LNX1: variants seen among roughly 807,000 people sequenced by gnomAD.
LNX1 encodes E3 ubiquitin-protein ligase LNX.
A neutral mutation model predicts 68.4 loss-of-function variants in LNX1; 54 were observed. The ratio of observed to expected loss-of-function variants is 0.79; its 90% CI spans 0.63 to 0.99. The LOEUF (loss-of-function observed/expected upper bound fraction) is 0.99, where lower values mean the gene tolerates loss of function less well. Ranked by LOEUF, LNX1 falls within the 50% of genes least tolerant of loss-of-function variation. The pLI is 0.00. For synonymous variants in LNX1, 336 were observed against 350.0 expected, an observed-to-expected ratio of 0.96 and a Z score of 0.45; for missense variants, 906 against 926.4, an observed-to-expected ratio of 0.98 and a Z score of 0.29.
intron 9 of LNX1, among the ~76,000 whole-genome samples, chr4:53,465,729 T>G (rs1722629518): frequency 6.6e-6 from 1 of 152,100 alleles, no homozygotes; most frequent in Admixed American, 6.5e-5. Flanking sequence ...GCCTGTGTAT[T>G]CAAGTTAAAA....
At chr4:53,516,263 C>T (rs191311917) in intron 2 of LNX1, among the ~76,000 whole-genome samples, 3 of 152,122 alleles carry the variant, frequency 2.0e-5, no homozygotes, top group Admixed American at 1.3e-4. Context: ...AAAAGAATCA[C>T]GCAAAATGCC....
At chr4:53,621,748 T>G (rs1032031317), upstream of LNX1, among the ~76,000 whole-genome samples, 1 of 152,208 alleles carries the variant, frequency 6.6e-6, no homozygotes, top group Admixed American at 6.5e-5. Context: ...TCTCATTATG[T>G]TTTGGCTTCT....
At chr4:53,499,193 A>T (rs1725296057) in intron 4 of LNX1, among the ~76,000 whole-genome samples, 1 of 152,096 alleles carries the variant, frequency 6.6e-6, no homozygotes, top group African/African-American at 2.4e-5. Flanking sequence ...TTTTTGAGAC[A>T]GGGTCTTACT....
At chr4:53,539,939 G>T (rs561341069) in intron 2 of LNX1, among the ~76,000 whole-genome samples, 1 of 152,332 alleles carries the variant, frequency 6.6e-6, no homozygotes, top group South Asian at 2.1e-4. Flanking sequence ...CCATGGCAAA[G>T]GTTGACTTGG....
chr4:53,495,538 C>A (rs1724986700), intron 6 of LNX1, among the ~76,000 whole-genome samples: 1 of 95,034 alleles, frequency 1.1e-5, no homozygotes, highest in African/African-American at 4.8e-5. Context: ...CTGGAGAATG[C>A]ATGGCATAGC....
rs1286929372 is a variant in LNX1, at chr4:53,496,138, A to T, written c.1235T>A (p.Leu412Gln). The T allele has an allele frequency of 1.2e-6, 2 of 1,614,046 alleles. No homozygotes were observed. The highest frequency in any genetic ancestry group is 8.5e-7 in the Non-Finnish European group (1 of 1,180,030). The change falls in exon 6 of 11, where the codon CTG becomes CAG. Residue 412 changes from leucine (L) to glutamine (Q), a missense_variant. Transcript: ENST00000263925. Reference protein sequence around the residue: ...DEPGVFIFNVLDGGVAYRHGQ... With the variant: ...DEPGVFIFNVQDGGVAYRHGQ... The stretch of plus-strand genomic sequence containing the variant: ...ATGTCGATATGCCACACCGCCATCC[A>T]GCACATTGAAGATGAAAACCCCAGG...
At chr4:53,584,570 G>T (rs1318589345) in intron 1 of LNX1, among the ~76,000 whole-genome samples, 2 of 152,180 alleles carry the variant, frequency 1.3e-5, no homozygotes, top group Non-Finnish European at 2.9e-5. Flanking sequence ...TGATAAATGC[G>T]ATCTGGACAA....
intron 1 of LNX1, among the ~76,000 whole-genome samples, chr4:53,587,967 T>G (rs1428920034): frequency 1.3e-5 from 2 of 152,224 alleles, no homozygotes; most frequent in African/African-American, 4.8e-5. Flanking sequence ...TTGGGAAATC[T>G]TTTTTTGCTC....
chr4:53,642,087 T>C (rs781223377), intron 1 of LNX1, among the ~76,000 whole-genome samples: 3 of 151,954 alleles, frequency 2.0e-5, no homozygotes, highest in Non-Finnish European at 4.4e-5. Context: ...CCAGGTTTGG[T>C]GGTACACGCC....
intron 5 of LNX1, 101 bp from the exon 6 acceptor site, chr4:53,496,495 T>G (rs965891644): frequency 4.1e-5 from 57 of 1,374,214 alleles, no homozygotes; most frequent in Non-Finnish European, 5.5e-5. Flanking sequence ...CTTTAAAGAC[T>G]GCTCTGCTCT....
Position 53,573,614 on chromosome 4 carries a change from G to A in LNX1, c.380+9C>T, listed in dbSNP as rs1251637515. The A allele has an allele frequency of 1.3e-6, 2 of 1,593,094 alleles. No individual in the cohort carries two copies. Among genetic ancestry groups the A allele is most frequent in the African/African-American group, 1.3e-5 (1 of 74,522 alleles). On this transcript the variant is annotated intron_variant, in intron 2 of 10. Transcript: ENST00000263925. ...GTGGGACTTACCGGCTCGCTGATGG[G>A]GGACCTACCTGGTTTGAAAGTGATG...
chr4:53,541,148 A>AG (rs61476881), intron 2 of LNX1, among the ~76,000 whole-genome samples: 64,694 of 140,748 alleles, frequency 0.46, 16,029 homozygotes, highest in Non-Finnish European at 0.56. Flanking sequence ...AAAAAAAAAG[A>AG]AAAAAAAAAA....
chr4:53,504,394 T>G (rs1725725589), intron 4 of LNX1, among the ~76,000 whole-genome samples: 2 of 152,254 alleles, frequency 1.3e-5, no homozygotes, highest in African/African-American at 4.8e-5. Flanking sequence ...TCTCTCAGCC[T>G]TCACAGAATC....
At chr4:53,613,029 G>C (rs1733552516) in intron 2 of LNX1, among the ~76,000 whole-genome samples, 1 of 151,078 alleles carries the variant, frequency 6.6e-6, no homozygotes, top group African/African-American at 2.4e-5. Context: ...GTGTGTATGT[G>C]CATGTGTATG....
chr4:53,541,230 G>T (rs1577684392), intron 2 of LNX1, among the ~76,000 whole-genome samples: 1 of 152,092 alleles, frequency 6.6e-6, no homozygotes, highest in South Asian at 2.1e-4. Flanking sequence ...TAGTGAGTGG[G>T]TGGAGGTAAC....
chr4:53,641,614 C>T (rs1264940336), intron 1 of LNX1, among the ~76,000 whole-genome samples: 1 of 152,184 alleles, frequency 6.6e-6, no homozygotes, highest in East Asian at 1.9e-4. Context: ...TACATATATG[C>T]CCATGAAATC....
intron 8 of LNX1, 134 bp downstream of exon 8, chr4:53,478,431 T>G: frequency 1.3e-6 from 1 of 754,964 alleles, no homozygotes; most frequent in Non-Finnish European, 2.0e-6. Context: ...CCAATCATGG[T>G]CAATGGGTAA....
intron 2 of LNX1, chr4:53,558,192 C>T (rs1350307017): frequency 7.6e-7 from 1 of 1,324,234 alleles, no homozygotes; most frequent in Non-Finnish European, 9.7e-7. Flanking sequence ...AAGGAGCCAC[C>T]ACGGTTGGCG....
chr4:53,584,780 C>T (rs1397348657), intron 1 of LNX1, among the ~76,000 whole-genome samples: 1 of 152,226 alleles, frequency 6.6e-6, no homozygotes, highest in African/African-American at 2.4e-5. Flanking sequence ...CCTACAGCAC[C>T]TACCAGCTTC....
Sources: gnomAD v4.1 joint callset for allele counts (sites outside exome capture counted in the v4.1 genomes callset) on GRCh38, gnomAD v4.1.1 for gene constraint, MANE v1.5 for transcripts, NCBI Gene and HGNC (gene_info 2026-07-23, HGNC 2026-07-21) for gene names.